GPD1: variants seen among roughly 807,000 people sequenced by gnomAD.
GPD1 encodes the protein glycerol-3-phosphate dehydrogenase 1.
In GPD1, 19 loss-of-function variants were observed where a neutral mutation model predicts 34.4. The ratio of observed to expected loss-of-function variants is 0.55; its 90% CI spans 0.39 to 0.81. The LOEUF is 0.81. GPD1 is among the 30% of genes least tolerant of loss of function. The pLI is 0.00. For synonymous variants in GPD1, 172 were observed against 174.1 expected, an observed-to-expected ratio of 0.99 and a Z score of 0.09; for missense variants, 429 against 447.0, an observed-to-expected ratio of 0.96 and a Z score of 0.36.
chr12:50,105,422 CAGTCCCAAACA>C (rs1950970897), intron 2 of GPD1, 115 bp from the exon 3 acceptor site: 1 of 859,238 alleles, frequency 1.2e-6, no homozygotes, highest in South Asian at 1.7e-5. Context: ...CTTCTAGATT[CAGTCCCAAACA>C]AGCCTTCCTG....
chr12:50,105,003 CTG>C, intron 2 of GPD1: 1 of 509,326 alleles, frequency 2.0e-6, no homozygotes, highest in South Asian at 2.6e-5. Context: ...CAGCCAAAGA[CTG>C]GGCTCCCAGA....
At position 50,107,613 on chromosome 12, in the gene GPD1, G is replaced by C; in HGVS notation, c.659G>C (p.Gly220Ala). The change falls in exon 6 of 8, where the codon GGC (glycine) becomes GCC (alanine). Residue 220 changes from glycine (G) to alanine (A), a missense_variant. Physicochemically the swap from Gly to Ala is moderately conservative, Grantham distance 60. Coordinates refer to ENST00000301149, the MANE Select transcript of GPD1 (RefSeq NM_005276.4). ...GGCTTCTGTGATGGCCTGGGCTTTG[G>C]CGACAACACCAAGGCGGCAGTGATC... ...GAGFCDGLGF[G>A]DNTKAAVIRL... The C allele has an allele frequency of 6.2e-7, 1 of 1,614,138 alleles. No individual in the cohort carries two copies. The highest frequency in any genetic ancestry group is 2.2e-5 in the East Asian group (1 of 44,890).
At chr12:50,107,854 G>A (rs1342757469) in intron 6 of GPD1, 54 bp downstream of exon 6, 1 of 1,315,158 alleles carries the variant, frequency 7.6e-7, no homozygotes, top group Non-Finnish European at 1.1e-6. Context: ...CATCCAGGTA[G>A]AGGTGCTTGG....
intron 4 of GPD1, 83 bp downstream of exon 4, chr12:50,106,509 C>G: frequency 7.8e-7 from 1 of 1,285,256 alleles, no homozygotes; most frequent in Non-Finnish European, 1.1e-6. Flanking sequence ...TTAGCCATCT[C>G]TTTCCCATAA....
chr12:50,108,798 G>A (rs1040375471), intron 7 of GPD1, among the ~76,000 whole-genome samples: 2 of 152,042 alleles, frequency 1.3e-5, no homozygotes, highest in Non-Finnish European at 2.9e-5. Flanking sequence ...TTGTTATATT[G>A]GCCCCATTTT....
At chr12:50,107,912 C>T in intron 6 of GPD1, 112 bp downstream of exon 6, 1 of 1,015,590 alleles carries the variant, frequency 9.8e-7, no homozygotes, top group Non-Finnish European at 1.5e-6. Flanking sequence ...GTGCACATCC[C>T]CATCCCTCTT....
chr12:50,109,224 G>C (rs1365409444), intron 7 of GPD1, among the ~76,000 whole-genome samples, 199 bp from the exon 8 acceptor site: 3 of 151,838 alleles, frequency 2.0e-5, no homozygotes, highest in African/African-American at 7.3e-5. Context: ...CAACATGGTA[G>C]GGAGCAGGGC....
chr12:50,106,629 G>A (rs1950980755), intron 4 of GPD1, among the ~76,000 whole-genome samples, 176 bp from the exon 5 acceptor site: 1 of 152,166 alleles, frequency 6.6e-6, no homozygotes, highest in Non-Finnish European at 1.5e-5. Flanking sequence ...CTCCCTCAGA[G>A]TTGGTGCAGT....
In GPD1 at chr12:50,109,612, C is replaced by T; in HGVS notation, c.*93C>T. The T allele has an allele frequency of 1.4e-6, 1 of 723,884 alleles. No homozygotes were observed. The highest frequency in any genetic ancestry group is 2.5e-6 in the Non-Finnish European group (1 of 393,796). The allele number at this position is 723,884 out of a possible 1,614,324, so 44.8% of individuals were successfully genotyped here. A position where few individuals can be genotyped will look rare whatever the true frequency, so the allele number is the denominator to read the frequency against. ...TAGTCACCAGGATCTCCAGGACTCC[C>T]AGGGAGCAGAGTCTTCTCATCTTTT... On this transcript the variant is annotated 3_prime_UTR_variant, in exon 8 of 8. Transcript: ENST00000301149.
chr12:50,107,853 A>G (rs764358252), intron 6 of GPD1, 53 bp downstream of exon 6: 1 of 1,326,642 alleles, frequency 7.5e-7, no homozygotes, highest in Non-Finnish European at 1.1e-6. Context: ...GCATCCAGGT[A>G]GAGGTGCTTG....
intron 2 of GPD1, 87 bp from the exon 3 acceptor site, chr12:50,105,461 C>T: frequency 7.1e-6 from 10 of 1,410,246 alleles, no homozygotes; most frequent in Non-Finnish European, 9.7e-6. Flanking sequence ...ACCAGCCTCA[C>T]TCTTTGGCTC....
chr12:50,104,739 G>GC lies in GPD1; in HGVS notation c.212dup (p.Asn72LysfsTer16). 2 of 1,613,856 alleles carry GC rather than the reference G, an allele frequency of 1.2e-6. No homozygotes were observed. Among genetic ancestry groups the GC allele is most frequent in the Non-Finnish European group, 1.7e-6 (2 of 1,179,790 alleles). The stretch of plus-strand genomic sequence containing the variant: ...TCAAATACCTGCCAGGGCACAAGTT[G>GC]CCCCCAAATGTGGTGAGCCCCAACA... On this transcript the variant is annotated frameshift_variant, in exon 2 of 8. Transcript: ENST00000301149. LOFTEE classifies it high-confidence loss of function.
chr12:50,106,713 C>A (rs927575927), intron 4 of GPD1, 92 bp from the exon 5 acceptor site: 1 of 780,328 alleles, frequency 1.3e-6, no homozygotes, highest in Non-Finnish European at 2.0e-6. Flanking sequence ...TTGAGTCCAG[C>A]CTGGGCAACA....
chr12:50,110,467 A>G lies in GPD1; in HGVS notation c.*948A>G, dbSNP rs532062387. ...GTGTCAGCTGGGCCCCTCCTGTGCT[A>G]TCTCCCCAGAGGACATCCCTGACTC... On this transcript the variant is annotated 3_prime_UTR_variant, in exon 8 of 8. Coordinates refer to ENST00000301149, the MANE Select transcript of GPD1 (RefSeq NM_005276.4). 2.6e-5 allele frequency: 4 copies of G among 152,990 alleles called. No individual in the cohort carries two copies. In the South Asian group the frequency reaches 8.3e-4, roughly 32 times the overall value. The allele number at this position is 152,990 out of a possible 1,614,324, so 9.5% of individuals were successfully genotyped here. A position where few individuals can be genotyped will look rare whatever the true frequency, so the allele number is the denominator to read the frequency against.
In GPD1 at chr12:50,104,075, G is replaced by A. The variant is rs772772534; in HGVS notation, c.25G>A (p.Val9Ile). The stretch of plus-strand genomic sequence containing the variant: ...CATGGCTAGCAAGAAAGTCTGCATT[G>A]TAGGCTCCGGGAACTGGTAAGCAGC... MASKKVCI[V>I]GSGNWGSAIA... The change falls in exon 1 of 8, where the codon GTA becomes ATA. Residue 9 changes from valine (V) to isoleucine (I), a missense_variant. Transcript: ENST00000301149. The A allele has an allele frequency of 6.2e-7, 1 of 1,614,134 alleles. No individual in the cohort carries two copies. Among genetic ancestry groups the A allele is most frequent in the Non-Finnish European group, 8.5e-7 (1 of 1,180,000 alleles).
Position 50,106,736 on chromosome 12 carries a change from C to T in GPD1, c.500-69C>T, listed in dbSNP as rs2232206. ...AGCCTGGGCAACAGAGAGAGACTCC[C>T]ATCTCTATAAAATAAATATTTTTTA... On this transcript the variant is annotated intron_variant, in intron 4 of 7. Transcript: ENST00000301149. The T allele has an allele frequency of 2.5e-3, 2,144 of 871,218 alleles. 28 individuals carry two copies. In the African/African-American group the frequency reaches 0.032, roughly 13 times the overall value. The allele number at this position is 871,218 out of a possible 1,614,324, so 54.0% of individuals were successfully genotyped here.
intron 1 of GPD1, 143 bp from the exon 2 acceptor site, chr12:50,104,431 T>C (rs1221625771): frequency 1.4e-6 from 1 of 738,810 alleles, no homozygotes; most frequent in Non-Finnish European, 2.5e-6. Flanking sequence ...GGGGACTATT[T>C]GTCATGGGAG....
At chr12:50,108,682 T>C (rs1312285858) in intron 7 of GPD1, among the ~76,000 whole-genome samples, 1 of 152,136 alleles carries the variant, frequency 6.6e-6, no homozygotes, top group Non-Finnish European at 1.5e-5. Context: ...AGGGTAAAGC[T>C]TGGAAAAGGG....
At chr12:50,105,448 C>A in intron 2 of GPD1, 100 bp from the exon 3 acceptor site, 1 of 1,243,832 alleles carries the variant, frequency 8.0e-7, no homozygotes, top group African/African-American at 1.5e-5. Context: ...TTCCTGCTCC[C>A]CTACCAGCCT....
Sources: gnomAD v4.1 joint callset for allele counts (sites outside exome capture counted in the v4.1 genomes callset) on GRCh38, gnomAD v4.1.1 for gene constraint, MANE v1.5 for transcripts, NCBI Gene and HGNC (gene_info 2026-07-23, HGNC 2026-07-21) for gene names.